The following MIA2 variants were observed in gnomAD, a reference collection of about 807,000 sequenced individuals.
The protein encoded by MIA2 is melanoma inhibitory activity protein 2.
Under a neutral mutation model 167.8 loss-of-function variants are expected in MIA2, and 127 were observed. That is an observed-to-expected ratio of 0.76 (90% confidence interval 0.66 to 0.88). MIA2 has a LOEUF of 0.88. MIA2 is among the 40% of genes least tolerant of loss of function. The pLI is 0.00. For missense variants in MIA2, 1,690 were observed against 1,624.7 expected, an observed-to-expected ratio of 1.04 and a Z score of -0.69; for synonymous variants, 552 against 541.9, an observed-to-expected ratio of 1.02 and a Z score of -0.26.
downstream of MIA2, among the ~76,000 whole-genome samples, chr14:39,355,885 C>T (rs574754239): frequency 2.0e-5 from 3 of 152,320 alleles, no homozygotes; most frequent in East Asian, 3.9e-4. Context: ...ACCAGCCCTG[C>T]ATCCCAGGGA....
chr14:39,366,475 T>C (rs891330359), intron 23 of MIA2, among the ~76,000 whole-genome samples: 1 of 152,092 alleles, frequency 6.6e-6, no homozygotes, highest in African/African-American at 2.4e-5. Flanking sequence ...TGTGTTGGGC[T>C]GGGTGGGCCA....
intron 25 of MIA2, among the ~76,000 whole-genome samples, chr14:39,339,252 G>A (rs996011994): frequency 7.9e-5 from 12 of 152,124 alleles, no homozygotes; most frequent in African/African-American, 1.2e-4. Flanking sequence ...CTAACAGCCC[G>A]CGGAAAGGTA....
In MIA2 at chr14:39,285,420, G is replaced by C. The variant is rs866336936; in HGVS notation, c.2131-5599G>C. ...TCCCGGAAGGGGCGGCTGGCCGGGC[G>C]GGGGCTGACCCCCCCACCTTCCTCC... On this transcript the variant is annotated intron_variant, in intron 9 of 28. Transcript: ENST00000640607. 5.6e-5 allele frequency among the ~76,000 whole-genome samples: 8 copies of C among 142,898 alleles called. 1 individual carries two copies. The highest frequency in any genetic ancestry group is 1.1e-4 in the Non-Finnish European group (7 of 64,876). The allele number at this position is 142,898 out of a possible 152,430, so 93.7% of individuals were successfully genotyped here.
At chr14:39,356,080 G>T (rs530797976), downstream of MIA2, among the ~76,000 whole-genome samples, 23 of 152,278 alleles carry the variant, frequency 1.5e-4, no homozygotes, top group Admixed American at 1.2e-3. Context: ...AATGAGTTAG[G>T]GAGGATTCCC....
chr14:39,379,770 G>C (rs902948666), intron 23 of MIA2, among the ~76,000 whole-genome samples: 2 of 152,128 alleles, frequency 1.3e-5, no homozygotes, highest in African/African-American at 2.4e-5. Context: ...AGAATTGCTT[G>C]ATCCTGGGAG....
chr14:39,352,071 T>C (rs1208982962), downstream of MIA2, among the ~76,000 whole-genome samples: 1 of 152,192 alleles, frequency 6.6e-6, no homozygotes, highest in Non-Finnish European at 1.5e-5. Flanking sequence ...GTTTGCTTTA[T>C]ACTTAGGCCA....
intron 24 of MIA2, among the ~76,000 whole-genome samples, chr14:39,325,759 G>T (rs1376101116): frequency 1.4e-5 from 2 of 144,018 alleles, no homozygotes; most frequent in African/African-American, 2.6e-5. Context: ...TGTCACCCAG[G>T]CTGGAGTGCA....
chr14:39,347,838 T>TG, intron 27 of MIA2, 67 bp downstream of exon 27: 1 of 1,346,924 alleles, frequency 7.4e-7, no homozygotes, highest in Non-Finnish European at 1.0e-6. Context: ...TTTTTTTTTT[T>TG]TTTATGGAGT....
chr14:39,298,940 A>G (rs2061934792), intron 13 of MIA2, among the ~76,000 whole-genome samples: 1 of 151,640 alleles, frequency 6.6e-6, no homozygotes, highest in Admixed American at 6.6e-5. Flanking sequence ...AAATAAAAAA[A>G]TTAGCAGAGT....
intron 6 of MIA2, chr14:39,266,792 AG>A: frequency 1.2e-6 from 1 of 817,968 alleles, no homozygotes; most frequent in African/African-American, 2.0e-5. Context: ...AGGCTGCGGA[AG>A]GAAAGCCTTG....
At position 39,276,919 on chromosome 14, in the gene MIA2, T is replaced by G; in HGVS notation, c.1888-15T>G. Reference sequence around the variant, plus strand: ...AAAGTACATTTTTAAGAACTTACTTTTCTTTATCTTGAAGGTTGTGGCAGC... The same window carrying G: ...AAAGTACATTTTTAAGAACTTACTTGTCTTTATCTTGAAGGTTGTGGCAGC... On this transcript the variant is annotated splice_polypyrimidine_tract_variant and intron_variant, in intron 6 of 28. Transcript: ENST00000640607. 1 of 1,604,938 alleles carries G rather than the reference T, an allele frequency of 6.2e-7. No homozygotes were observed. The highest frequency in any genetic ancestry group is 1.1e-5 in the South Asian group (1 of 88,926).
At chr14:39,300,984 A>ATATATACACATATATACG (rs1566819097) in intron 14 of MIA2, among the ~76,000 whole-genome samples, 7 of 81,310 alleles carry the variant, frequency 8.6e-5, no homozygotes, top group African/African-American at 2.7e-4. Flanking sequence ...ACATATATAC[A>ATATATACACATATATACG]TATATACACA....
At chr14:39,374,428 A>C (rs2075008638) in intron 23 of MIA2, among the ~76,000 whole-genome samples, 1 of 152,216 alleles carries the variant, frequency 6.6e-6, no homozygotes, top group African/African-American at 2.4e-5. Flanking sequence ...ATGCTAACAC[A>C]TGGTAAATGT....
intron 24 of MIA2, 47 bp from the exon 25 acceptor site, chr14:39,326,817 A>T: frequency 6.6e-7 from 1 of 1,522,668 alleles, no homozygotes; most frequent in Non-Finnish European, 8.8e-7. Flanking sequence ...AGTATATAAG[A>T]CTTTTTAAGA....
chr14:39,281,483 T>G (rs1463406380), intron 9 of MIA2, among the ~76,000 whole-genome samples: 1 of 152,208 alleles, frequency 6.6e-6, no homozygotes, highest in Non-Finnish European at 1.5e-5. Flanking sequence ...CATTGAGATC[T>G]TAATTTCATC....
In MIA2 at chr14:39,343,475, A is replaced by T. The variant is rs139631465; in HGVS notation, c.3656-2429A>T. On this transcript the variant is annotated intron_variant, in intron 25 of 28. Coordinates refer to ENST00000640607, the MANE Select transcript of MIA2 (RefSeq NM_001329214.4). ...TTTTGGTTTTAATAGATATCTCCCC[A>T]TCGCCCTCAACAGAAGCTGTGAATG... Among the ~76,000 whole-genome samples the T allele has an allele frequency of 1.3e-3, 200 of 151,490 alleles. 1 individual carries two copies. The highest frequency in any genetic ancestry group is 4.6e-3 in the African/African-American group (191 of 41,282).
At chr14:39,277,525 CAAAAAT>C (rs1272211665) in intron 7 of MIA2, among the ~76,000 whole-genome samples, 1 of 149,778 alleles carries the variant, frequency 6.7e-6, no homozygotes, top group Non-Finnish European at 1.5e-5. Context: ...GACCCTGTCT[CAAAAAT>C]AAAGAGATGA....
intron 23 of MIA2, among the ~76,000 whole-genome samples, chr14:39,381,139 G>T (rs1427246312): frequency 6.6e-6 from 1 of 152,114 alleles, no homozygotes; most frequent in South Asian, 2.1e-4. Flanking sequence ...CCCTAAAAAG[G>T]AGTCTGGCAT....
intron 7 of MIA2, among the ~76,000 whole-genome samples, chr14:39,277,766 A>ATGTGTGTG (rs1328535129): frequency 7.0e-5 from 3 of 42,714 alleles, no homozygotes; most frequent in Non-Finnish European, 1.5e-4. Context: ...ATATATATAT[A>ATGTGTGTG]TATATATATA....
Sources: allele counts gnomAD v4.1 joint callset (sites outside exome capture counted in the v4.1 genomes callset), GRCh38; gene constraint gnomAD v4.1.1; transcripts MANE v1.5; gene names NCBI Gene and HGNC (gene_info 2026-07-23, HGNC 2026-07-21).